GHR: variants seen among roughly 807,000 people sequenced by gnomAD.
GHR encodes growth hormone receptor, also known as GH receptor.
A neutral mutation model predicts 67.1 loss-of-function variants in GHR; 35 were observed. That is an observed-to-expected ratio of 0.52 (90% CI 0.40 to 0.69). The LOEUF (loss-of-function observed/expected upper bound fraction) is 0.69. Among genes scored for constraint, GHR ranks in the 30% least tolerant of loss-of-function variants. The pLI is 0.00. For synonymous variants in GHR, 272 were observed against 269.1 expected (o/e 1.01, Z -0.10); for missense variants, 792 against 764.6 (o/e 1.04, Z -0.42).
At chr5:42,626,334 C>T (rs972602919) in intron 2 of GHR, among the ~76,000 whole-genome samples, 3 of 152,162 alleles carry the variant, frequency 2.0e-5, no homozygotes, top group African/African-American at 7.2e-5. Flanking sequence ...TTGGTGTTCC[C>T]ACAACCTCCC....
At chr5:42,586,688 G>A (rs956475452) in intron 2 of GHR, among the ~76,000 whole-genome samples, 2 of 152,200 alleles carry the variant, frequency 1.3e-5, no homozygotes, top group African/African-American at 2.4e-5. Flanking sequence ...CGGGACTTCA[G>A]TGCTTTTGGG....
chr5:42,630,440 T>C (rs1197751087), intron 3 of GHR, among the ~76,000 whole-genome samples: 1 of 132,310 alleles, frequency 7.6e-6, no homozygotes, highest in Non-Finnish European at 1.6e-5. Context: ...AAATCATAAT[T>C]TGAATTTTAT....
At chr5:42,603,472 A>G (rs2112642218) in intron 2 of GHR, among the ~76,000 whole-genome samples, 1 of 152,056 alleles carries the variant, frequency 6.6e-6, no homozygotes, top group Admixed American at 6.5e-5. Context: ...ATATTCCGTA[A>G]TATGTATATG....
At chr5:42,578,513 C>T (rs751644452) in intron 2 of GHR, among the ~76,000 whole-genome samples, 5 of 152,028 alleles carry the variant, frequency 3.3e-5, no homozygotes, top group Non-Finnish European at 7.4e-5. Flanking sequence ...TCAGATGTGC[C>T]TTAATGAATG....
chr5:42,674,811 T>A (rs558792574), intron 3 of GHR, among the ~76,000 whole-genome samples: 1 of 152,276 alleles, frequency 6.6e-6, no homozygotes, highest in South Asian at 2.1e-4. Flanking sequence ...TTATGAGCAT[T>A]CTTGCACATG....
chr5:42,553,938 T>C (rs752807148), intron 1 of GHR, among the ~76,000 whole-genome samples: 4 of 152,174 alleles, frequency 2.6e-5, no homozygotes, highest in Non-Finnish European at 4.4e-5. Flanking sequence ...AAAAAGCACA[T>C]TAATTGATTG....
chr5:42,551,271 T>C (rs1033957307), intron 1 of GHR, among the ~76,000 whole-genome samples: 2 of 152,164 alleles, frequency 1.3e-5, no homozygotes, highest in Non-Finnish European at 1.5e-5. Context: ...GACTTGGATA[T>C]TGTGGAATGT....
At chr5:42,578,894 G>T (rs1579981642) in intron 2 of GHR, among the ~76,000 whole-genome samples, 1 of 152,014 alleles carries the variant, frequency 6.6e-6, no homozygotes, top group African/African-American at 2.4e-5. Context: ...ATACAACTCA[G>T]ATTTCACTAC....
At chr5:42,534,105 C>T (rs1159181525) in intron 1 of GHR, among the ~76,000 whole-genome samples, 3 of 141,498 alleles carry the variant, frequency 2.1e-5, no homozygotes, top group South Asian at 2.3e-4. Context: ...TATATATGTA[C>T]GTATGTATAT....
chr5:42,469,339 T>C (rs575504294), intron 1 of GHR, among the ~76,000 whole-genome samples: 2 of 152,318 alleles, frequency 1.3e-5, no homozygotes, highest in African/African-American at 4.8e-5. Context: ...ATCATGCAGA[T>C]TGGGATACAA....
intron 2 of GHR, among the ~76,000 whole-genome samples, chr5:42,567,698 G>A (rs760622912): frequency 2.0e-5 from 3 of 151,628 alleles, no homozygotes; most frequent in Admixed American, 6.6e-5. Context: ...AAGGATTAAG[G>A]ATGGGGCATG....
At chr5:42,436,104 T>A (rs1379624294) in intron 1 of GHR, among the ~76,000 whole-genome samples, 1 of 152,122 alleles carries the variant, frequency 6.6e-6, no homozygotes, top group Non-Finnish European at 1.5e-5. Context: ...ATGAACTGAG[T>A]CTGTACACTG....
intron 2 of GHR, among the ~76,000 whole-genome samples, chr5:42,614,479 C>T (rs964577026): frequency 2.0e-5 from 3 of 148,370 alleles, no homozygotes; most frequent in Middle Eastern, 7.1e-3. Flanking sequence ...GCATTTCTAA[C>T]GAGCTTCCAG....
At position 42,548,469 on chromosome 5, in the gene GHR, A is replaced by G. The variant is rs934804503; in HGVS notation, c.-11-17395A>G. 5 of 985,030 alleles carry G rather than the reference A, an allele frequency of 5.1e-6. No individual in the cohort carries two copies. In the East Asian group the frequency reaches 4.5e-4, roughly 89 times the overall value. 61.0% of individuals were successfully genotyped at this position (985,030 alleles called of 1,614,324 possible). ...GAAATTTAAAAAGTTCTTGATATAA[A>G]GCCTGGAGGAAACAATACGAAAATC... On this transcript the variant is annotated intron_variant, in intron 1 of 9. Coordinates refer to ENST00000230882, the MANE Select transcript of GHR (RefSeq NM_000163.5).
At chr5:42,659,474 A>G (rs560354624) in intron 3 of GHR, 1 of 152,178 alleles carries the variant, frequency 6.6e-6, no homozygotes, top group Admixed American at 6.5e-5. Context: ...CTCGATGAAA[A>G]CTCTGAGCTT....
At chr5:42,432,913 T>A (rs1410887289) in intron 1 of GHR, among the ~76,000 whole-genome samples, 1 of 152,234 alleles carries the variant, frequency 6.6e-6, no homozygotes, top group African/African-American at 2.4e-5. Flanking sequence ...CCTTAATATG[T>A]AGTAAAACAT....
chr5:42,593,478 A>G (rs1751902709), intron 2 of GHR, among the ~76,000 whole-genome samples: 1 of 152,200 alleles, frequency 6.6e-6, no homozygotes, highest in Admixed American at 6.5e-5. Context: ...CCTATATTCA[A>G]GGTCCCTGTG....
At chr5:42,606,860 A>C (rs1752653784) in intron 2 of GHR, among the ~76,000 whole-genome samples, 3 of 151,850 alleles carry the variant, frequency 2.0e-5, no homozygotes, top group Non-Finnish European at 4.4e-5. Flanking sequence ...TTGGGGTAGG[A>C]AGTTCTTGCA....
At chr5:42,505,511 G>A (rs1027399705) in intron 1 of GHR, among the ~76,000 whole-genome samples, 6 of 151,900 alleles carry the variant, frequency 3.9e-5, no homozygotes, top group Non-Finnish European at 8.8e-5. Context: ...TTGTTAGAAA[G>A]ATAAGACTTC....
Sources: allele counts gnomAD v4.1 joint callset (sites outside exome capture counted in the v4.1 genomes callset), GRCh38; gene constraint gnomAD v4.1.1; transcripts MANE v1.5; gene names NCBI Gene and HGNC (gene_info 2026-07-23, HGNC 2026-07-21).